The following CERS6 variants were observed in gnomAD, a reference collection of about 807,000 sequenced individuals.
CERS6 encodes LAG1 homolog, ceramide synthase 6.
CERS6 carries 26 observed loss-of-function variants against 56.8 expected under a neutral mutation model. That is an observed-to-expected ratio of 0.46 (90% CI 0.34 to 0.63). CERS6 has a LOEUF of 0.63. Ranked by LOEUF, CERS6 falls within the 30% of genes least tolerant of loss-of-function variation. The probability of loss-of-function intolerance (pLI) is 0.01; values close to 1 mark genes in which losing one functional copy is unlikely to be tolerated. For synonymous variants in CERS6, 164 were observed against 173.3 expected (o/e 0.95, Z 0.42); for missense variants, 415 against 467.5 (o/e 0.89, Z 1.04).
intron 4 of CERS6, chr2:168,644,148 C>A (rs1685115592): frequency 5.1e-6 from 5 of 978,868 alleles, no homozygotes; most frequent in Non-Finnish European, 6.1e-6. Context: ...CATCAGGCAG[C>A]ACATGGTAAG....
intron 4 of CERS6, among the ~76,000 whole-genome samples, chr2:168,640,226 G>T (rs1197549093): frequency 6.6e-6 from 1 of 152,156 alleles, no homozygotes; most frequent in East Asian, 1.9e-4. Context: ...AAATTTCTGT[G>T]CCCTTAGGAC....
chr2:168,581,293 A>T (rs1683404169), intron 3 of CERS6, among the ~76,000 whole-genome samples: 3 of 152,234 alleles, frequency 2.0e-5, no homozygotes, highest in Admixed American at 2.0e-4. Flanking sequence ...TGCTGGGATT[A>T]CAGGCGTGAG....
At chr2:168,638,238 T>G (rs756267631) in intron 4 of CERS6, among the ~76,000 whole-genome samples, 1 of 152,282 alleles carries the variant, frequency 6.6e-6, no homozygotes, top group Admixed American at 6.5e-5. Context: ...GTATAGAAAT[T>G]CCTTTTTACA....
At chr2:168,680,151 G>A (rs182537903) in intron 4 of CERS6, among the ~76,000 whole-genome samples, 97 of 152,326 alleles carry the variant, frequency 6.4e-4, no homozygotes, top group African/African-American at 2.3e-3. Flanking sequence ...CAGAAAGACA[G>A]AGGGGTCTGA....
chr2:168,645,111 AAAAAAATAT>A (rs1685148474), intron 4 of CERS6, among the ~76,000 whole-genome samples: 5 of 59,422 alleles, frequency 8.4e-5, no homozygotes, highest in Admixed American at 6.8e-4. Context: ...AAAAAAAAAA[AAAAAAATAT>A]ATATATATAT....
intron 1 of CERS6, among the ~76,000 whole-genome samples, chr2:168,457,079 C>T (rs902836034): frequency 6.6e-6 from 1 of 152,238 alleles, no homozygotes; most frequent in Non-Finnish European, 1.5e-5. Flanking sequence ...GAGGAGGAAC[C>T]GCGCACACTT....
intron 9 of CERS6, among the ~76,000 whole-genome samples, chr2:168,767,407 CT>C (rs1684753796): frequency 6.6e-6 from 1 of 152,184 alleles, no homozygotes; most frequent in African/African-American, 2.4e-5. Context: ...CTTTGTAAAA[CT>C]GGAGTTTTCT....
chr2:168,745,059 T>C (rs990829159), intron 8 of CERS6, among the ~76,000 whole-genome samples: 3 of 152,178 alleles, frequency 2.0e-5, no homozygotes, highest in Non-Finnish European at 4.4e-5. Flanking sequence ...ACAGGCTCTT[T>C]GAAGCATATG....
At chr2:168,707,786 T>G (rs866400903) in intron 6 of CERS6, among the ~76,000 whole-genome samples, 1 of 152,160 alleles carries the variant, frequency 6.6e-6, no homozygotes, top group African/African-American at 2.4e-5. Context: ...TATACTTTTA[T>G]TATTTAGCCA....
intron 3 of CERS6, among the ~76,000 whole-genome samples, chr2:168,582,659 A>G (rs1683445726): frequency 6.6e-6 from 1 of 152,236 alleles, no homozygotes; most frequent in South Asian, 2.1e-4. Context: ...ATACACCTTT[A>G]TTTTACGTGA....
chr2:168,569,546 T>C (rs1695944146), intron 3 of CERS6, among the ~76,000 whole-genome samples: 1 of 152,266 alleles, frequency 6.6e-6, no homozygotes, highest in African/African-American at 2.4e-5. Flanking sequence ...CACACGCGTG[T>C]GTGCATATAT....
intron 7 of CERS6, among the ~76,000 whole-genome samples, chr2:168,716,638 A>G (rs549717399): frequency 6.6e-6 from 1 of 152,262 alleles, no homozygotes; most frequent in East Asian, 1.9e-4. Context: ...CGTTTCTGAA[A>G]AGTTTGTGTT....
At chr2:168,605,869 G>A (rs1173270229) in intron 3 of CERS6, among the ~76,000 whole-genome samples, 2 of 152,350 alleles carry the variant, frequency 1.3e-5, no homozygotes, top group East Asian at 1.9e-4. Flanking sequence ...AAGCCTGGAT[G>A]TCCAGGCAGA....
intron 4 of CERS6, among the ~76,000 whole-genome samples, chr2:168,658,580 C>T (rs1180859764): frequency 1.2e-4 from 19 of 152,264 alleles, no homozygotes; most frequent in Middle Eastern, 3.4e-3. Context: ...GCTTGATGAC[C>T]GAGTAAAGCC....
chr2:168,545,180 C>T (rs188784108), intron 1 of CERS6, among the ~76,000 whole-genome samples: 68 of 151,464 alleles, frequency 4.5e-4, no homozygotes, highest in African/African-American at 1.5e-3. Context: ...CATACATGTA[C>T]ATATATAATT....
rs1379353546 is a variant in CERS6, at chr2:168,657,763, G to T, written c.465+26721G>T. 2.6e-5 allele frequency among the ~76,000 whole-genome samples: 4 copies of T among 152,202 alleles called. No homozygotes were observed. The East Asian group carries it at 5.8e-4, about 22-fold the overall frequency. On this transcript the variant is annotated intron_variant, in intron 4 of 9. Coordinates refer to ENST00000305747, the MANE Select transcript of CERS6 (RefSeq NM_203463.3). ...GGGCCCACCAAGCCCACGCCCACCC[G>T]GAACTCCAGCTGGCCCGCAAGCGCC...
chr2:168,564,284 T>C (rs542718892), intron 3 of CERS6, among the ~76,000 whole-genome samples: 10 of 152,336 alleles, frequency 6.6e-5, no homozygotes, highest in African/African-American at 2.4e-4. Context: ...ATTTTTCCTA[T>C]TGTTTTTATG....
At chr2:168,734,584 A>G (rs1254341224) in intron 8 of CERS6, among the ~76,000 whole-genome samples, 1 of 152,198 alleles carries the variant, frequency 6.6e-6, no homozygotes, top group Non-Finnish European at 1.5e-5. Context: ...ACACATCAGC[A>G]TGGCTGTATT....
At chr2:168,537,073 A>G (rs1226247921) in intron 1 of CERS6, among the ~76,000 whole-genome samples, 1 of 152,142 alleles carries the variant, frequency 6.6e-6, no homozygotes. Context: ...TTTTTTCCAC[A>G]TGGGCTTTGT....
Sources: gnomAD v4.1 joint callset for allele counts (sites outside exome capture counted in the v4.1 genomes callset) on GRCh38, gnomAD v4.1.1 for gene constraint, MANE v1.5 for transcripts, NCBI Gene and HGNC (gene_info 2026-07-23, HGNC 2026-07-21) for gene names.